EPS15: variants seen among roughly 807,000 people sequenced by gnomAD.
EPS15 encodes the protein epidermal growth factor receptor pathway substrate 15.
EPS15 carries 72 observed loss-of-function variants against 113.8 expected under a neutral mutation model. That is an observed-to-expected ratio of 0.63 (90% CI 0.52 to 0.77). The LOEUF (loss-of-function observed/expected upper bound fraction) is 0.77. Among genes scored for constraint, EPS15 ranks in the 30% least tolerant of loss-of-function variants. EPS15 has a pLI of 0.00. For synonymous variants in EPS15, 344 were observed against 363.4 expected (o/e 0.95, Z 0.61); for missense variants, 1,048 against 1,045.8 (o/e 1.00, Z -0.03).
intron 21 of EPS15, among the ~76,000 whole-genome samples, chr1:51,375,435 C>T (rs999096180): frequency 6.6e-5 from 10 of 152,162 alleles, no homozygotes; most frequent in East Asian, 3.9e-4. Flanking sequence ...TCCCCTGTTC[C>T]GTAGGATCAA....
chr1:51,484,247 C>T (rs1644078394), intron 1 of EPS15, among the ~76,000 whole-genome samples: 1 of 151,746 alleles, frequency 6.6e-6, no homozygotes, highest in African/African-American at 2.4e-5. Context: ...CATATGTCTC[C>T]GATTTCCCAT....
At chr1:51,471,774 TA>T in intron 3 of EPS15, 37 bp from the exon 4 acceptor site, 2 of 1,418,302 alleles carry the variant, frequency 1.4e-6, no homozygotes, top group East Asian at 2.3e-5. Flanking sequence ...ATGTATATTT[TA>T]AACAAAAGTC....
chr1:51,377,833 CGA>C (rs1204401027), intron 21 of EPS15, among the ~76,000 whole-genome samples: 1 of 151,718 alleles, frequency 6.6e-6, no homozygotes, highest in Non-Finnish European at 1.5e-5. Context: ...CCACCAATAT[CGA>C]GGCAAGATTC....
At chr1:51,518,792 C>A (rs935576610) in intron 1 of EPS15, among the ~76,000 whole-genome samples, 2 of 151,294 alleles carry the variant, frequency 1.3e-5, no homozygotes, top group Admixed American at 6.6e-5. Context: ...GGGGTGCGGC[C>A]GGCCCGCGCG....
chr1:51,425,515 A>C (rs1651128875), intron 12 of EPS15, among the ~76,000 whole-genome samples: 1 of 152,234 alleles, frequency 6.6e-6, no homozygotes, highest in Non-Finnish European at 1.5e-5. Flanking sequence ...AAAACATTAA[A>C]AACTAGAAAC....
chr1:51,485,109 C>T (rs1644096425), intron 1 of EPS15, among the ~76,000 whole-genome samples: 1 of 152,172 alleles, frequency 6.6e-6, no homozygotes. Context: ...TTGCAGAGAA[C>T]CACTGAGGCA....
rs1463503105 is a variant in EPS15, at chr1:51,372,398, A to C, written c.2120-6369T>G. 10 of 536,124 alleles carry C rather than the reference A, an allele frequency of 1.9e-5. No homozygotes were observed. In the Admixed American group the frequency reaches 1.9e-4, roughly 10 times the overall value. The allele number at this position is 536,124 out of a possible 1,614,324, so 33.2% of individuals were successfully genotyped here. A position where few individuals can be genotyped will look rare whatever the true frequency, so the allele number is the denominator to read the frequency against. On this transcript the variant is annotated intron_variant, in intron 21 of 24. Coordinates refer to ENST00000371733, the MANE Select transcript of EPS15 (RefSeq NM_001981.3). ...GTGTGCTTTTGGGGTCATGGCAGAC[A>C]AAAGTACTTGATGTATCCAACAGTT...
At chr1:51,489,872 T>A (rs543360795) in intron 1 of EPS15, among the ~76,000 whole-genome samples, 98 of 152,264 alleles carry the variant, frequency 6.4e-4, no homozygotes, top group African/African-American at 2.1e-3. Flanking sequence ...GGACTGCTCC[T>A]CCAGCCCGGA....
At position 51,500,435 on chromosome 1, in the gene EPS15, A is replaced by T. The variant is rs182750022; in HGVS notation, c.33+18764T>A. ...AATCTCATCAGTAGTACATTTCTCC[A>T]CGTCTTCATCAATATTTGCTAGTTA... On this transcript the variant is annotated intron_variant, in intron 1 of 24. Coordinates refer to ENST00000371733, the MANE Select transcript of EPS15 (RefSeq NM_001981.3). Among the ~76,000 whole-genome samples the T allele has an allele frequency of 2.2e-4, 33 of 152,306 alleles. 1 individual carries two copies. Among genetic ancestry groups the T allele is most frequent in the Admixed American group, 5.2e-4 (8 of 15,300 alleles).
intron 1 of EPS15, among the ~76,000 whole-genome samples, chr1:51,493,564 AT>A: frequency 6.7e-6 from 1 of 149,746 alleles, no homozygotes; most frequent in African/African-American, 2.4e-5. Context: ...AAATAAATAA[AT>A]AAATAAATAA....
At chr1:51,376,782 AC>A (rs1191368956) in intron 21 of EPS15, among the ~76,000 whole-genome samples, 1 of 152,244 alleles carries the variant, frequency 6.6e-6, no homozygotes, top group Non-Finnish European at 1.5e-5. Flanking sequence ...TGCTAACACA[AC>A]ATCCATTCTT....
intron 20 of EPS15, 73 bp downstream of exon 20, chr1:51,398,959 T>C: frequency 1.5e-6 from 2 of 1,300,778 alleles, no homozygotes; most frequent in Non-Finnish European, 2.1e-6. Flanking sequence ...CTTTCATCAC[T>C]ATGTATTTCA....
At chr1:51,412,638 C>T (rs953536694) in intron 13 of EPS15, among the ~76,000 whole-genome samples, 7 of 152,158 alleles carry the variant, frequency 4.6e-5, no homozygotes, top group African/African-American at 1.7e-4. Context: ...ACACTGTTAA[C>T]TAATCCATAC....
chr1:51,502,723 G>T (rs776908518), intron 1 of EPS15, among the ~76,000 whole-genome samples: 16 of 152,130 alleles, frequency 1.1e-4, no homozygotes, highest in Admixed American at 5.9e-4. Context: ...ATCAATTCCA[G>T]GCTGGGCACG....
At chr1:51,507,801 AATGGTGTGG>A (rs1209229462) in intron 1 of EPS15, among the ~76,000 whole-genome samples, 1 of 152,136 alleles carries the variant, frequency 6.6e-6, no homozygotes, top group African/African-American at 2.4e-5. Flanking sequence ...AAATTTAAAG[AATGGTGTGG>A]ATGGTGATCT....
At chr1:51,438,601 A>G (rs1652343738) in intron 12 of EPS15, among the ~76,000 whole-genome samples, 1 of 152,198 alleles carries the variant, frequency 6.6e-6, no homozygotes, top group Admixed American at 6.5e-5. Flanking sequence ...GATGATAAGT[A>G]TTTTCAAATC....
chr1:51,466,958 G>A (rs554445308), intron 5 of EPS15, among the ~76,000 whole-genome samples: 1 of 152,058 alleles, frequency 6.6e-6, no homozygotes, highest in South Asian at 2.1e-4. Context: ...AGAGGCCCTA[G>A]AATTCAATAA....
At chr1:51,458,208 G>A (rs1654160228) in intron 8 of EPS15, 1 of 152,068 alleles carries the variant, frequency 6.6e-6, no homozygotes, top group Non-Finnish European at 1.5e-5. Flanking sequence ...GTAAATCTAG[G>A]AGAAGATAAA....
chr1:51,360,365 T>C (rs1400955853), intron 24 of EPS15, among the ~76,000 whole-genome samples: 1 of 152,228 alleles, frequency 6.6e-6, no homozygotes, highest in Non-Finnish European at 1.5e-5. Context: ...AAAAAATAAC[T>C]TTTTTTACTG....
Sources: gnomAD v4.1 joint callset for allele counts (sites outside exome capture counted in the v4.1 genomes callset) on GRCh38, gnomAD v4.1.1 for gene constraint, MANE v1.5 for transcripts, NCBI Gene and HGNC (gene_info 2026-07-23, HGNC 2026-07-21) for gene names.